The following CDS2 variants were observed in gnomAD, a reference collection of about 807,000 sequenced individuals.
The protein encoded by CDS2 is CDP-diacylglycerol synthase 2, also known as phosphatidate cytidylyltransferase 2.
A neutral mutation model predicts 59.0 loss-of-function variants in CDS2; 47 were observed. The ratio of observed to expected loss-of-function variants is 0.80; its 90% CI spans 0.63 to 1.02. The LOEUF (loss-of-function observed/expected upper bound fraction) is 1.02, where lower values mean the gene tolerates loss of function less well. Among genes scored for constraint, CDS2 ranks in the 50% least tolerant of loss-of-function variants. CDS2 has a pLI of 0.00. For synonymous variants in CDS2, 207 were observed against 206.4 expected, an observed-to-expected ratio of 1.00 and a Z score of -0.02; for missense variants, 356 against 558.9, an observed-to-expected ratio of 0.64 and a Z score of 3.66.
chr20:5,157,383 A>T (rs2123006813), intron 1 of CDS2, among the ~76,000 whole-genome samples: 1 of 152,302 alleles, frequency 6.6e-6, no homozygotes, highest in South Asian at 2.1e-4. Context: ...TAGGACAAAC[A>T]TCTGAAGAGT....
intron 1 of CDS2, among the ~76,000 whole-genome samples, chr20:5,138,279 T>G (rs921278802): frequency 2.6e-5 from 4 of 151,884 alleles, no homozygotes; most frequent in Non-Finnish European, 4.4e-5. Flanking sequence ...TGGAGAGAGA[T>G]AGGATAGGGT....
At chr20:5,149,259 T>C (rs1173349149) in intron 1 of CDS2, among the ~76,000 whole-genome samples, 1 of 152,208 alleles carries the variant, frequency 6.6e-6, no homozygotes. Flanking sequence ...GGATTATTAG[T>C]GAGGTTGAAT....
At chr20:5,187,846 C>T (rs980535207) in intron 10 of CDS2, 1 of 148,242 alleles carries the variant, frequency 6.7e-6, no homozygotes. Flanking sequence ...CGCACCACTG[C>T]ACTCCAGCCT....
intron 1 of CDS2, among the ~76,000 whole-genome samples, chr20:5,171,395 T>A (rs370738122): frequency 6.6e-6 from 1 of 152,222 alleles, no homozygotes; most frequent in African/African-American, 2.4e-5. Context: ...CCCTGCAGCT[T>A]CTAGAGGCTC....
rs146916679 is a variant in CDS2 at position 5,165,704 on chromosome 20, G to A, written c.58-7819G>A. ...TTTGGGATTACAGGCATGAACCACG[G>A]TGGGGAGCACTCCTAAGGAAGGACA... is the stretch of plus-strand genomic sequence containing the variant. On this transcript the variant is annotated intron_variant, in intron 1 of 12. Transcript: ENST00000460006. 1.0e-3 allele frequency among the ~76,000 whole-genome samples: 159 copies of A among 152,260 alleles called. 1 individual carries two copies. The highest frequency in any genetic ancestry group is 3.5e-3 in the African/African-American group (144 of 41,542).
At position 5,190,342 on chromosome 20, in the gene CDS2, T is replaced by G. The variant is rs2091104531; in HGVS notation, c.*108T>G. ...AATGACGAGGCTTCAACTCACTGTC[T>G]TTTTTTTTTTTTTTTGGAGGGTATT... On this transcript the variant is annotated 3_prime_UTR_variant, in exon 13 of 13. Transcript: ENST00000460006. 1 of 179,524 alleles carries G rather than the reference T, an allele frequency of 5.6e-6. No homozygotes were observed. The highest frequency in any genetic ancestry group is 8.9e-6 in the Non-Finnish European group (1 of 112,406). The allele number at this position is 179,524 out of a possible 1,614,324, so 11.1% of individuals were successfully genotyped here.
chr20:5,190,489 T>A lies in CDS2; in HGVS notation c.*255T>A. 1 of 352,200 alleles carries A rather than the reference T, an allele frequency of 2.8e-6. No individual in the cohort carries two copies. Among genetic ancestry groups the A allele is most frequent in the Non-Finnish European group, 5.1e-6 (1 of 195,402 alleles). The allele number at this position is 352,200 out of a possible 1,614,324, so 21.8% of individuals were successfully genotyped here. A position where few individuals can be genotyped will look rare whatever the true frequency, so the allele number is the denominator to read the frequency against. On this transcript the variant is annotated 3_prime_UTR_variant, in exon 13 of 13. Transcript: ENST00000460006. ...GGTTGTAAAACCATTTGGATTTTTT[T>A]AAAACAAAAGTATTAATAATCTGGA... is the stretch of plus-strand genomic sequence containing the variant.
chr20:5,130,014 C>G (rs1400287037), intron 1 of CDS2, among the ~76,000 whole-genome samples: 1 of 151,906 alleles, frequency 6.6e-6, no homozygotes, highest in Non-Finnish European at 1.5e-5. Context: ...CTCTTGTTGC[C>G]CAGGCTGGAG....
At chr20:5,179,063 C>A in intron 5 of CDS2, 107 bp downstream of exon 5, 1 of 1,008,782 alleles carries the variant, frequency 9.9e-7, no homozygotes, top group Non-Finnish European at 1.5e-6. Flanking sequence ...GTGACATTAA[C>A]TGTGACCATG....
chr20:5,148,720 C>T (rs2090764611), intron 1 of CDS2, among the ~76,000 whole-genome samples: 1 of 152,164 alleles, frequency 6.6e-6, no homozygotes, highest in East Asian at 1.9e-4. Flanking sequence ...CGGTTTGCAC[C>T]GTGGTTGGGT....
chr20:5,141,752 G>A (rs1233166716), intron 1 of CDS2, among the ~76,000 whole-genome samples: 1 of 152,148 alleles, frequency 6.6e-6, no homozygotes, highest in Non-Finnish European at 1.5e-5. Flanking sequence ...GGTTTCTGAA[G>A]CTATCTCTAG....
intron 4 of CDS2, 147 bp downstream of exon 4, chr20:5,176,892 A>G: frequency 1.6e-6 from 1 of 642,438 alleles, no homozygotes; most frequent in Middle Eastern, 4.2e-4. Flanking sequence ...ACAAAGTTTC[A>G]TGAAGAAAAT....
intron 1 of CDS2, among the ~76,000 whole-genome samples, chr20:5,155,510 T>G (rs2090826417): frequency 1.3e-5 from 2 of 152,202 alleles, no homozygotes; most frequent in African/African-American, 4.8e-5. Context: ...TTAGGGAGGA[T>G]GTAGCTGTCT....
At chr20:5,129,864 C>G (rs1232042837) in intron 1 of CDS2, among the ~76,000 whole-genome samples, 1 of 152,092 alleles carries the variant, frequency 6.6e-6, no homozygotes, top group Non-Finnish European at 1.5e-5. Context: ...CAGACGTGAG[C>G]CACCACACCT....
intron 5 of CDS2, 151 bp downstream of exon 5, chr20:5,179,107 G>C: frequency 1.7e-6 from 1 of 585,452 alleles, no homozygotes; most frequent in Non-Finnish European, 3.0e-6. Context: ...ATGTTAAGCT[G>C]TAGCAGCTGT....
At chr20:5,162,297 A>T (rs893012789) in intron 1 of CDS2, among the ~76,000 whole-genome samples, 8 of 152,182 alleles carry the variant, frequency 5.3e-5, no homozygotes, top group African/African-American at 1.9e-4. Flanking sequence ...GGATTTTCTG[A>T]TTAGGGATGC....
intron 1 of CDS2, among the ~76,000 whole-genome samples, chr20:5,140,630 T>C (rs1330277869): frequency 6.6e-6 from 1 of 152,226 alleles, no homozygotes; most frequent in Non-Finnish European, 1.5e-5. Flanking sequence ...ACAAATTGTG[T>C]CTTAGAGCTC....
At chr20:5,139,156 A>G (rs2122964559) in intron 1 of CDS2, among the ~76,000 whole-genome samples, 1 of 152,324 alleles carries the variant, frequency 6.6e-6, no homozygotes, top group South Asian at 2.1e-4. Flanking sequence ...AGCCTGGCCA[A>G]AATGGTGAAA....
At chr20:5,186,189 C>G (rs928448523) in intron 9 of CDS2, among the ~76,000 whole-genome samples, 1 of 152,220 alleles carries the variant, frequency 6.6e-6, no homozygotes, top group African/African-American at 2.4e-5. Flanking sequence ...CCTGCCCTTT[C>G]CAGAGCACCA....
Sources: gnomAD v4.1 joint callset for allele counts (sites outside exome capture counted in the v4.1 genomes callset) on GRCh38, gnomAD v4.1.1 for gene constraint, MANE v1.5 for transcripts, NCBI Gene and HGNC (gene_info 2026-07-23, HGNC 2026-07-21) for gene names.